The following RANBP3 variants were observed in gnomAD, a reference collection of about 807,000 sequenced individuals.
RANBP3 encodes the protein ran-binding protein 3.
Under a neutral mutation model 77.3 loss-of-function variants are expected in RANBP3, and 14 were observed. The observed-to-expected ratio is 0.18, with a 90% CI of 0.12 to 0.28. RANBP3 has a LOEUF of 0.28. Ranked by LOEUF, RANBP3 falls within the 10% of genes least tolerant of loss-of-function variation. The pLI is 1.00. For synonymous variants in RANBP3, 315 were observed against 312.4 expected (o/e 1.01, Z -0.09); for missense variants, 586 against 752.3 (o/e 0.78, Z 2.59).
At chr19:5,957,233 T>C (rs549208595) in intron 2 of RANBP3, among the ~76,000 whole-genome samples, 91 of 152,326 alleles carry the variant, frequency 6.0e-4, no homozygotes, top group African/African-American at 2.2e-3. Flanking sequence ...GAGAAGCCGA[T>C]GGCTTCAAGG....
chr19:5,925,849 C>G, intron 9 of RANBP3, 112 bp from the exon 10 acceptor site: 3 of 815,626 alleles, frequency 3.7e-6, no homozygotes, highest in Admixed American at 2.0e-5. Context: ...AGCCATGAAC[C>G]CTCTCCTGTA....
intron 8 of RANBP3, 85 bp downstream of exon 8, chr19:5,931,319 G>A: frequency 6.7e-7 from 1 of 1,488,044 alleles, no homozygotes; most frequent in Non-Finnish European, 9.1e-7. Context: ...GACAGCGTGT[G>A]GACTCCACAG....
chr19:5,921,392 G>C lies in RANBP3; in HGVS notation c.1210-71C>G, dbSNP rs562586541. On this transcript the variant is annotated intron_variant, in intron 13 of 16. Coordinates refer to ENST00000340578, the MANE Select transcript of RANBP3 (RefSeq NM_007322.3). This position sits in a 1 kb window ranked among gnomAD's most constrained non-coding sequence, Gnocchi z 5.3. ...CTGCTGCAGCCACACCCTGAGAGTC[G>C]CCCTTTAGCCTGTGGGGACTGCCAG... 3.8e-6 allele frequency: 6 copies of C among 1,576,966 alleles called. No individual in the cohort carries two copies. Among genetic ancestry groups the C allele is most frequent in the Non-Finnish European group, 5.2e-6 (6 of 1,159,236 alleles).
chr19:5,927,944 G>A, intron 9 of RANBP3, 24 bp downstream of exon 9: 1 of 1,587,840 alleles, frequency 6.3e-7, no homozygotes, highest in East Asian at 2.3e-5. Flanking sequence ...AAAAGTCAAT[G>A]TGCTGGTTCA....
chr19:5,925,874 T>G, intron 9 of RANBP3, 137 bp from the exon 10 acceptor site: 5 of 649,448 alleles, frequency 7.7e-6, no homozygotes, highest in Non-Finnish European at 8.4e-6. Flanking sequence ...CCTGTGTGTG[T>G]GCGCGTGCAT....
chr19:5,933,345 G>C (rs949887856), intron 6 of RANBP3, 69 bp downstream of exon 6: 6 of 1,291,328 alleles, frequency 4.6e-6, no homozygotes, highest in African/African-American at 4.5e-5. Context: ...CGGTGCCCTG[G>C]TGTGGCCTAG....
Position 5,977,998 on chromosome 19 carries a change from C to T in RANBP3, c.22+63G>A, listed in dbSNP as rs376946242. 344 of 1,598,836 alleles carry T rather than the reference C, an allele frequency of 2.2e-4. 1 individual carries two copies. The African/African-American group carries it at 4.1e-3, about 19-fold the overall frequency. On this transcript the variant is annotated intron_variant, in intron 1 of 16. Transcript: ENST00000340578. ...CGGTGCTCCCCCCAAGGGCTTGTGGCCCCTAGTCCTCCCGCCGCCCGTTCC... is the reference window on the plus strand; with the variant it reads ...CGGTGCTCCCCCCAAGGGCTTGTGGTCCCTAGTCCTCCCGCCGCCCGTTCC...
intron 3 of RANBP3, among the ~76,000 whole-genome samples, chr19:5,945,444 G>A (rs777815212): frequency 1.3e-5 from 2 of 152,190 alleles, no homozygotes; most frequent in South Asian, 2.1e-4. Flanking sequence ...TAAAATTTGA[G>A]ATGTGTTTGG....
chr19:5,940,470 T>G (rs2058121440), intron 5 of RANBP3, among the ~76,000 whole-genome samples: 1 of 152,096 alleles, frequency 6.6e-6, no homozygotes, highest in Non-Finnish European at 1.5e-5. Flanking sequence ...CAGATGACAG[T>G]GTAATAGCAC....
intron 14 of RANBP3, among the ~76,000 whole-genome samples, chr19:5,919,978 A>T (rs1208355346): frequency 6.6e-6 from 1 of 151,792 alleles, no homozygotes; most frequent in East Asian, 1.9e-4. Context: ...GTCTGTTCTG[A>T]CCAGAGCAGT....
In RANBP3 at chr19:5,923,888, A is replaced by G; in HGVS notation, c.1023T>C (p.Ser341=). The change falls in exon 12 of 17, where the codon AGT becomes AGC. Residue 341 remains serine (S), a synonymous_variant. Transcript: ENST00000340578. ...VLSPPKLNEV[S]SDANRENAAA... ...CTGCATTTTCCCTGTTGGCATCTGAACTGACCTCGTTTAATTTTGGGGGGC... is the reference window on the plus strand; with the variant it reads ...CTGCATTTTCCCTGTTGGCATCTGAGCTGACCTCGTTTAATTTTGGGGGGC... The G allele has an allele frequency of 6.2e-7, 1 of 1,614,154 alleles. No homozygotes were observed. The highest frequency in any genetic ancestry group is 8.5e-7 in the Non-Finnish European group (1 of 1,180,010).
intron 2 of RANBP3, 143 bp downstream of exon 2, chr19:5,957,775 C>G: frequency 1.2e-6 from 1 of 833,582 alleles, no homozygotes; most frequent in South Asian, 1.6e-5. Flanking sequence ...CCAAGCTCAA[C>G]GTGAAAGTGT....
In RANBP3 at chr19:5,932,299, G is replaced by A. The variant is rs562040652; in HGVS notation, c.565+153C>T. The stretch of plus-strand genomic sequence containing the variant: ...AGGAGGCTTGGGGCTGGAGACGGCT[G>A]GGGGGTGATTTAAAGGATCATCTTC... On this transcript the variant is annotated intron_variant, in intron 7 of 16. Coordinates refer to ENST00000340578, the MANE Select transcript of RANBP3 (RefSeq NM_007322.3). Among the ~76,000 whole-genome samples the A allele has an allele frequency of 4.5e-4, 69 of 152,334 alleles. No individual in the cohort carries two copies. The South Asian group carries it at 0.014, about 31-fold the overall frequency.
At chr19:5,945,524 TG>T (rs2058192870) in intron 3 of RANBP3, among the ~76,000 whole-genome samples, 1 of 152,156 alleles carries the variant, frequency 6.6e-6, no homozygotes, top group African/African-American at 2.4e-5. Flanking sequence ...CCCCACTGTT[TG>T]GGTGGGGTGA....
rs1434052190 is a variant in RANBP3, at chr19:5,978,122, C to T, written c.-40G>A. ...CCCTCCCACAAGGCCCCGCGCCGGC[C>T]CAGGCTCGCCTGCTTTCTGCCAGAA... On this transcript the variant is annotated 5_prime_UTR_variant, in exon 1 of 17. Coordinates refer to ENST00000340578, the MANE Select transcript of RANBP3 (RefSeq NM_007322.3). 6.3e-7 allele frequency: 1 copy of T among 1,594,248 alleles called. No individual in the cohort carries two copies. The highest frequency in any genetic ancestry group is 8.5e-7 in the Non-Finnish European group (1 of 1,172,102).
intron 12 of RANBP3, among the ~76,000 whole-genome samples, chr19:5,923,564 G>A (rs921720063): frequency 6.6e-6 from 1 of 152,150 alleles, no homozygotes; most frequent in Non-Finnish European, 1.5e-5. Flanking sequence ...GGACAGTGAG[G>A]GACTCCTCCA....
chr19:5,973,656 C>G (rs2058555559), intron 1 of RANBP3, among the ~76,000 whole-genome samples: 1 of 152,198 alleles, frequency 6.6e-6, no homozygotes, highest in South Asian at 2.1e-4. Context: ...CCAGGGCCAA[C>G]TCTGAGTGGG....
intron 3 of RANBP3, among the ~76,000 whole-genome samples, chr19:5,948,452 CAAAA>C (rs113674051): frequency 3.7e-5 from 4 of 108,716 alleles, no homozygotes; most frequent in Admixed American, 9.7e-5. Flanking sequence ...GACTCCATGT[CAAAA>C]AAAAAAAAAA....
chr19:5,948,338 G>C (rs927268305), intron 3 of RANBP3, among the ~76,000 whole-genome samples: 1 of 152,046 alleles, frequency 6.6e-6, no homozygotes, highest in Non-Finnish European at 1.5e-5. Flanking sequence ...TGCAGTCCCA[G>C]CTACTCAGGA....
Sources: gnomAD v4.1 joint callset for allele counts (sites outside exome capture counted in the v4.1 genomes callset) on GRCh38, gnomAD v4.1.1 for gene constraint, Gnocchi (gnomAD v3.1) non-coding constraint, MANE v1.5 for transcripts, NCBI Gene and HGNC (gene_info 2026-07-23, HGNC 2026-07-21) for gene names.